AURKA: variants seen among roughly 807,000 people sequenced by gnomAD.
The protein encoded by AURKA is aurora kinase A, also known as aurora 2.
Under a neutral mutation model 40.9 loss-of-function variants are expected in AURKA, and 12 were observed. The observed-to-expected ratio is 0.29, with a 90% CI of 0.19 to 0.48. AURKA has a LOEUF of 0.48. Among genes scored for constraint, AURKA ranks in the 20% least tolerant of loss-of-function variants. AURKA has a pLI of 0.99. For synonymous variants in AURKA, 170 were observed against 164.3 expected, an observed-to-expected ratio of 1.03 and a Z score of -0.26; for missense variants, 322 against 462.1, an observed-to-expected ratio of 0.70 and a Z score of 2.78.
chr20:56,388,409 C>T (rs1203882684), intron 1 of AURKA: 4 of 604,260 alleles, frequency 6.6e-6, no homozygotes, highest in Non-Finnish European at 1.2e-5. Flanking sequence ...TGCGTCCCAT[C>T]CTCTGTCACG....
chr20:56,383,015 C>G lies in AURKA; in HGVS notation c.536G>C (p.Arg179Thr). 4 of 1,614,206 alleles carry G rather than the reference C, an allele frequency of 2.5e-6. No homozygotes were observed. Among genetic ancestry groups the G allele is most frequent in the Non-Finnish European group, 3.4e-6 (4 of 1,180,044 alleles). The change falls in exon 5 of 9, where the codon AGA becomes ACA. Residue 179 changes from arginine to threonine, a missense_variant. Coordinates refer to ENST00000395915, the MANE Select transcript of AURKA (RefSeq NM_198437.3). ...GTGGGACTGTATTTCTACTTCTCTTCTGAGCTGATGCTCCACTCCGGCTTT... is the reference window on the plus strand; with the variant it reads ...GTGGGACTGTATTTCTACTTCTCTTGTGAGCTGATGCTCCACTCCGGCTTT... ...LEKAGVEHQL[R>T]REVEIQSHLR...
Position 56,370,060 on chromosome 20 carries a change from T to C in AURKA, c.*98A>G, listed in dbSNP as rs1258736858. On this transcript the variant is annotated 3_prime_UTR_variant, in exon 9 of 9. Coordinates refer to ENST00000395915, the MANE Select transcript of AURKA (RefSeq NM_198437.3). The stretch of plus-strand genomic sequence containing the variant: ...AATATTTCTTGTGTAGCGTTCTAGA[T>C]TGAGGGCAGCAGTCAATGGTAAAAT... 2 of 1,445,880 alleles carry C rather than the reference T, an allele frequency of 1.4e-6. No individual in the cohort carries two copies. The highest frequency in any genetic ancestry group is 2.3e-5 in the East Asian group (1 of 44,118). 89.6% of individuals were successfully genotyped at this position (1,445,880 alleles called of 1,614,324 possible).
chr20:56,378,029 C>T (rs1436146914), intron 6 of AURKA, among the ~76,000 whole-genome samples: 12 of 151,934 alleles, frequency 7.9e-5, no homozygotes, highest in African/African-American at 2.7e-4. Context: ...TAGCCAGGCA[C>T]GAGAGCACAT....
At chr20:56,380,175 T>C (rs547122353) in intron 6 of AURKA, among the ~76,000 whole-genome samples, 47 of 150,904 alleles carry the variant, frequency 3.1e-4, no homozygotes, top group South Asian at 6.3e-4. Context: ...GCCAATATGG[T>C]GAAACCCCGT....
At chr20:56,382,408 C>G (rs1274782360) in intron 5 of AURKA, among the ~76,000 whole-genome samples, 2 of 152,074 alleles carry the variant, frequency 1.3e-5, no homozygotes, top group Non-Finnish European at 2.9e-5. Flanking sequence ...TGTGGCCAGA[C>G]TTGAAGTATT....
At chr20:56,384,449 G>GTTT (rs55796874) in intron 3 of AURKA, 125 bp from the exon 4 acceptor site, 11 of 568,162 alleles carry the variant, frequency 1.9e-5, no homozygotes, top group East Asian at 6.7e-5. Flanking sequence ...TGATAAATCT[G>GTTT]TTTTTTTTTT....
At position 56,370,027 on chromosome 20, in the gene AURKA, G is replaced by A; in HGVS notation, c.*131C>T. 1.7e-6 allele frequency: 2 copies of A among 1,210,536 alleles called. No individual in the cohort carries two copies. Among genetic ancestry groups the A allele is most frequent in the Non-Finnish European group, 2.4e-6 (2 of 824,280 alleles). The allele number at this position is 1,210,536 out of a possible 1,614,324, so 75.0% of individuals were successfully genotyped here. A position where few individuals can be genotyped will look rare whatever the true frequency, so the allele number is the denominator to read the frequency against. ...AGGGAGGTTAAGGCACACCTGCTGA[G>A]TAAAACAAATATTTCTTGTGTAGCG... is the stretch of plus-strand genomic sequence containing the variant. On this transcript the variant is annotated 3_prime_UTR_variant, in exon 9 of 9. Coordinates refer to ENST00000395915, the MANE Select transcript of AURKA (RefSeq NM_198437.3).
Position 56,369,900 on chromosome 20 carries a change from G to C in AURKA, c.*258C>G. 5.4e-6 allele frequency: 3 copies of C among 559,956 alleles called. No homozygotes were observed. Among genetic ancestry groups the C allele is most frequent in the Non-Finnish European group, 9.7e-6 (3 of 309,830 alleles). The allele number at this position is 559,956 out of a possible 1,614,324, so 34.7% of individuals were successfully genotyped here. On this transcript the variant is annotated 3_prime_UTR_variant, in exon 9 of 9. Transcript: ENST00000395915. The stretch of plus-strand genomic sequence containing the variant: ...AGCACAGGCTGACGGGGCGGCTGCA[G>C]TCGAACCTTGCCTCCAGATTATGAA...
At chr20:56,383,363 A>C (rs1423307046) in intron 4 of AURKA, among the ~76,000 whole-genome samples, 187 bp from the exon 5 acceptor site, 1 of 152,212 alleles carries the variant, frequency 6.6e-6, no homozygotes, top group Non-Finnish European at 1.5e-5. Flanking sequence ...TGACGTCCCT[A>C]GCTGCCGTCA....
intron 5 of AURKA, among the ~76,000 whole-genome samples, chr20:56,382,318 TGG>T (rs1011789488): frequency 2.0e-5 from 3 of 152,082 alleles, no homozygotes; most frequent in Non-Finnish European, 4.4e-5. Flanking sequence ...AAGCAGGCAA[TGG>T]GAAGCACAGC....
At chr20:56,391,324 A>G (rs1437537043) in intron 1 of AURKA, among the ~76,000 whole-genome samples, 3 of 152,276 alleles carry the variant, frequency 2.0e-5, no homozygotes. Flanking sequence ...AGTTAAGGAC[A>G]GTGGCTACGT....
chr20:56,390,755 C>T (rs1479646608), intron 1 of AURKA: 2 of 151,984 alleles, frequency 1.3e-5, no homozygotes, highest in Non-Finnish European at 2.9e-5. Context: ...GGCTGCAGCC[C>T]TTATAAAAAA....
intron 7 of AURKA, among the ~76,000 whole-genome samples, chr20:56,371,820 G>A (rs1001569143): frequency 2.6e-5 from 4 of 152,194 alleles, no homozygotes; most frequent in Non-Finnish European, 5.9e-5. Flanking sequence ...AATTTTCTTA[G>A]GAGTGATCAT....
At chr20:56,386,634 G>GA in intron 2 of AURKA, 101 bp from the exon 3 acceptor site, 1 of 1,290,320 alleles carries the variant, frequency 7.8e-7, no homozygotes, top group Non-Finnish European at 1.1e-6. Context: ...GCAAAATAAT[G>GA]AATGTCACTG....
chr20:56,372,005 A>G (rs1984301839), intron 7 of AURKA, among the ~76,000 whole-genome samples: 2 of 152,264 alleles, frequency 1.3e-5, no homozygotes, highest in Non-Finnish European at 2.9e-5. Flanking sequence ...ATAGACAGGT[A>G]TGCCATCAAC....
At chr20:56,375,901 A>C (rs1211507282) in intron 6 of AURKA, among the ~76,000 whole-genome samples, 1 of 152,354 alleles carries the variant, frequency 6.6e-6, no homozygotes, top group East Asian at 1.9e-4. Flanking sequence ...ACATGTCACT[A>C]CAATTAGTTT....
At chr20:56,379,600 G>A (rs1985419018) in intron 6 of AURKA, among the ~76,000 whole-genome samples, 1 of 152,194 alleles carries the variant, frequency 6.6e-6, no homozygotes, top group Non-Finnish European at 1.5e-5. Flanking sequence ...CCTTGGAGAA[G>A]TGGTTCGATT....
chr20:56,384,393 G>A, intron 3 of AURKA, 69 bp from the exon 4 acceptor site: 1 of 1,181,616 alleles, frequency 8.5e-7, no homozygotes, highest in Non-Finnish European at 1.2e-6. Flanking sequence ...GTGAATAGAG[G>A]TGAATCAAAG....
Position 56,388,136 on chromosome 20 carries a change from T to C in AURKA, c.42+20A>G. The stretch of plus-strand genomic sequence containing the variant: ...TGTGGGTTTATAAATGTGAATGAGA[T>C]TACAGATTATTCAATTTACCTTAAC... On this transcript the variant is annotated intron_variant, in intron 2 of 8. Coordinates refer to ENST00000395915, the MANE Select transcript of AURKA (RefSeq NM_198437.3). 2 of 1,613,828 alleles carry C rather than the reference T, an allele frequency of 1.2e-6. No homozygotes were observed. The highest frequency in any genetic ancestry group is 1.7e-6 in the Non-Finnish European group (2 of 1,179,618).
Sources: gnomAD v4.1 joint callset for allele counts (sites outside exome capture counted in the v4.1 genomes callset) on GRCh38, gnomAD v4.1.1 for gene constraint, MANE v1.5 for transcripts, NCBI Gene and HGNC (gene_info 2026-07-23, HGNC 2026-07-21) for gene names.